FBXL2: variants seen among roughly 807,000 people sequenced by gnomAD.
FBXL2 encodes F-box/LRR-repeat protein 2.
A neutral mutation model predicts 69.2 loss-of-function variants in FBXL2; 38 were observed. That is an observed-to-expected ratio of 0.55 (90% CI 0.42 to 0.72). The LOEUF (loss-of-function observed/expected upper bound fraction) is 0.72. Among genes scored for constraint, FBXL2 ranks in the 30% least tolerant of loss-of-function variants. FBXL2 has a pLI of 0.00. For missense variants in FBXL2, 354 were observed against 520.3 expected (o/e 0.68, Z 3.11); for synonymous variants, 192 against 201.3 (o/e 0.95, Z 0.39).
chr3:33,305,028 T>C (rs1208155719), intron 2 of FBXL2, among the ~76,000 whole-genome samples: 1 of 152,048 alleles, frequency 6.6e-6, no homozygotes, highest in African/African-American at 2.4e-5. Context: ...AGTATAATCT[T>C]TGTACTGATA....
At chr3:33,284,816 C>G (rs937723578) in intron 1 of FBXL2, among the ~76,000 whole-genome samples, 1 of 152,124 alleles carries the variant, frequency 6.6e-6, no homozygotes, top group Non-Finnish European at 1.5e-5. Flanking sequence ...TTCTTTGTCT[C>G]TTTTGATCTT....
intron 13 of FBXL2, chr3:33,383,465 C>T (rs1415247223): frequency 6.3e-6 from 1 of 159,936 alleles, no homozygotes; most frequent in Non-Finnish European, 1.4e-5. Flanking sequence ...TGTCAGATCA[C>T]ACTGTTCAAG....
At chr3:33,303,364 C>T (rs2036450503) in intron 2 of FBXL2, among the ~76,000 whole-genome samples, 1 of 152,110 alleles carries the variant, frequency 6.6e-6, no homozygotes. Flanking sequence ...TTCATTACCT[C>T]CCTAAACTGT....
chr3:33,360,142 T>C (rs1183252279), intron 4 of FBXL2, among the ~76,000 whole-genome samples: 1 of 152,166 alleles, frequency 6.6e-6, no homozygotes, highest in East Asian at 1.9e-4. Context: ...AAACTTACAG[T>C]AGTGGAAATG....
chr3:33,331,747 A>T (rs1190775625), intron 2 of FBXL2, among the ~76,000 whole-genome samples: 1 of 152,198 alleles, frequency 6.6e-6, no homozygotes. Context: ...TAGTTCTTAT[A>T]AGTTACTTAT....
the FBXL2 span, among the ~76,000 whole-genome samples, chr3:33,421,011 G>C: frequency 1.3e-5 from 2 of 152,310 alleles, no homozygotes; most frequent in South Asian, 4.1e-4. Context: ...TGAAGAGTTA[G>C]GGGCTGATCC....
Position 33,385,526 on chromosome 3 carries a change from A to C in FBXL2, c.1190A>C (p.His397Pro), listed in dbSNP as rs1239595020. ...MRAQLPHVKV[H>P]AYFAPVTPPT... ...GCTCAGCTCCCTCATGTCAAAGTCCACGCCTACTTTGCTCCCGTCACCCCA... is the reference window on the plus strand; with the variant it reads ...GCTCAGCTCCCTCATGTCAAAGTCCCCGCCTACTTTGCTCCCGTCACCCCA... The change falls in exon 15 of 15, where the codon CAC becomes CCC. Residue 397 changes from histidine (H) to proline (P), a missense_variant. His to Pro is a moderately conservative substitution (Grantham distance 77, BLOSUM62 -2). Transcript: ENST00000484457. 1 of 1,613,990 alleles carries C rather than the reference A, an allele frequency of 6.2e-7. No homozygotes were observed. Among genetic ancestry groups the C allele is most frequent in the Admixed American group, 1.7e-5 (1 of 60,000 alleles).
intron 2 of FBXL2, among the ~76,000 whole-genome samples, chr3:33,316,763 A>G (rs1272462752): frequency 6.6e-6 from 1 of 152,132 alleles, no homozygotes; most frequent in Admixed American, 6.5e-5. Flanking sequence ...TCAGCAGTCA[A>G]ATGCATTACT....
chr3:33,411,735 T>TA, the FBXL2 span: 1 of 1,459,958 alleles, frequency 6.8e-7, no homozygotes, highest in South Asian at 1.1e-5. Flanking sequence ...TTAAATAACT[T>TA]AAAAAACTTA....
At chr3:33,293,882 G>A (rs781313868) in intron 1 of FBXL2, among the ~76,000 whole-genome samples, 2 of 152,148 alleles carry the variant, frequency 1.3e-5, no homozygotes, top group Admixed American at 1.3e-4. Flanking sequence ...ACCTGACAGA[G>A]TTATGTAGAA....
At chr3:33,285,996 C>T (rs965973597) in intron 1 of FBXL2, among the ~76,000 whole-genome samples, 11 of 152,180 alleles carry the variant, frequency 7.2e-5, no homozygotes, top group Non-Finnish European at 1.5e-4. Flanking sequence ...CCTCCTTTAG[C>T]TTGGAGAAGT....
At chr3:33,331,711 C>G (rs17029976) in intron 2 of FBXL2, among the ~76,000 whole-genome samples, 49 of 151,956 alleles carry the variant, frequency 3.2e-4, no homozygotes, top group Non-Finnish European at 1.5e-5. Flanking sequence ...CCACACCTCA[C>G]TAATCGGATG....
At chr3:33,328,791 G>A (rs1040511626) in intron 2 of FBXL2, among the ~76,000 whole-genome samples, 2 of 139,084 alleles carry the variant, frequency 1.4e-5, no homozygotes, top group Non-Finnish European at 3.0e-5. Flanking sequence ...GGGCAAATTT[G>A]TGTGTGTGCA....
chr3:33,379,666 A>C (rs2042892567), intron 13 of FBXL2, among the ~76,000 whole-genome samples: 2 of 150,934 alleles, frequency 1.3e-5, no homozygotes, highest in South Asian at 4.2e-4. Context: ...TATCAAAACC[A>C]AACAAAAATT....
the FBXL2 span, among the ~76,000 whole-genome samples, chr3:33,413,930 G>A: frequency 6.6e-6 from 1 of 152,086 alleles, no homozygotes; most frequent in Non-Finnish European, 1.5e-5. Flanking sequence ...TAGCCAGCTC[G>A]TCTCCAGAAA....
chr3:33,366,179 C>G (rs1484521222), intron 5 of FBXL2, among the ~76,000 whole-genome samples: 1 of 152,162 alleles, frequency 6.6e-6, no homozygotes, highest in Non-Finnish European at 1.5e-5. Flanking sequence ...ATATAAAGCA[C>G]ACTTGAATTG....
intron 5 of FBXL2, among the ~76,000 whole-genome samples, chr3:33,365,725 A>C (rs1386626839): frequency 8.6e-6 from 1 of 116,526 alleles, no homozygotes; most frequent in African/African-American, 3.2e-5. Context: ...CTTCGACCAA[A>C]CAAACAAACA....
chr3:33,346,222 A>G (rs1393945548), intron 2 of FBXL2, among the ~76,000 whole-genome samples: 4 of 152,166 alleles, frequency 2.6e-5, no homozygotes, highest in African/African-American at 9.7e-5. Flanking sequence ...GTGAAACTCC[A>G]TCTCACAAAA....
At chr3:33,330,318 G>T (rs2125824924) in intron 2 of FBXL2, among the ~76,000 whole-genome samples, 1 of 151,934 alleles carries the variant, frequency 6.6e-6, no homozygotes, top group African/African-American at 2.4e-5. Context: ...TGAAGATAGA[G>T]AGTAGACTGA....
Sources: allele counts gnomAD v4.1 joint callset (sites outside exome capture counted in the v4.1 genomes callset), GRCh38; gene constraint gnomAD v4.1.1; transcripts MANE v1.5; gene names NCBI Gene and HGNC (gene_info 2026-07-23, HGNC 2026-07-21).